USP31: variants seen among roughly 807,000 people sequenced by gnomAD.
The protein encoded by USP31 is ubiquitin specific peptidase 31.
A neutral mutation model predicts 119.4 loss-of-function variants in USP31; 44 were observed. The observed-to-expected ratio is 0.37, with a 90% CI of 0.29 to 0.47. The LOEUF is 0.47. Among genes scored for constraint, USP31 ranks in the 20% least tolerant of loss-of-function variants. The pLI, the probability that USP31 is intolerant of heterozygous loss-of-function variation, is 0.99. For missense variants in USP31, 1,643 were observed against 1,730.2 expected (o/e 0.95, Z 0.89); for synonymous variants, 749 against 705.6 (o/e 1.06, Z -0.97).
intron 1 of USP31, among the ~76,000 whole-genome samples, chr16:23,120,501 A>G (rs879909649): frequency 6.6e-6 from 1 of 152,234 alleles, no homozygotes; most frequent in Admixed American, 6.5e-5. Flanking sequence ...TCTGGATCTT[A>G]ACCACTGGGG....
intron 1 of USP31, among the ~76,000 whole-genome samples, chr16:23,133,092 G>A (rs1903078786): frequency 6.6e-6 from 1 of 152,206 alleles, no homozygotes; most frequent in Non-Finnish European, 1.5e-5. Context: ...AAGCTTGTGT[G>A]ATGATAGGAA....
At position 23,084,899 on chromosome 16, in the gene USP31, A is replaced by G. The variant is rs1416510046; in HGVS notation, c.1791T>C (p.Thr597=). ...TGTACAGTTGGAAACACTGGGATAAAGTGCAGGTTTGAGGCTGATGATGAC... is the reference window on the plus strand; with the variant it reads ...TGTACAGTTGGAAACACTGGGATAAGGTGCAGGTTTGAGGCTGATGATGAC... ...RERHHQPQTC[T]LSQCFQLYTK... Residue 597 remains threonine, a synonymous_variant, in exon 11 of 16, where the codon ACT becomes ACC. Transcript: ENST00000219689. 2 of 1,614,112 alleles carry G rather than the reference A, an allele frequency of 1.2e-6. No individual in the cohort carries two copies. Among genetic ancestry groups the G allele is most frequent in the Admixed American group, 1.7e-5 (1 of 60,010 alleles).
intron 1 of USP31, among the ~76,000 whole-genome samples, chr16:23,122,150 C>T (rs1027988653): frequency 6.6e-6 from 1 of 152,156 alleles, no homozygotes; most frequent in Non-Finnish European, 1.5e-5. Flanking sequence ...ATGTTTTCTA[C>T]AAAACTTTAG....
At chr16:23,080,427 ATCT>A (rs2141839387) in intron 12 of USP31, among the ~76,000 whole-genome samples, 1 of 152,250 alleles carries the variant, frequency 6.6e-6, no homozygotes, top group South Asian at 2.1e-4. Context: ...TCCTTTCCTT[ATCT>A]GTTAAAGGGC....
At chr16:23,107,731 T>C (rs901953054) in intron 2 of USP31, among the ~76,000 whole-genome samples, 1 of 152,236 alleles carries the variant, frequency 6.6e-6, no homozygotes, top group African/African-American at 2.4e-5. Flanking sequence ...CTTACTAGAA[T>C]AGAAAGCAAA....
intron 1 of USP31, among the ~76,000 whole-genome samples, chr16:23,113,776 G>A (rs554978029): frequency 6.6e-6 from 1 of 152,244 alleles, no homozygotes; most frequent in African/African-American, 2.4e-5. Context: ...CACAGGCTAA[G>A]GGAAGAGCTA....
chr16:23,083,073 G>A (rs531170170), intron 11 of USP31, among the ~76,000 whole-genome samples: 42 of 152,036 alleles, frequency 2.8e-4, no homozygotes, highest in Middle Eastern at 3.4e-3. Flanking sequence ...CAGGCGATCC[G>A]TCCACCTCAG....
intron 13 of USP31, among the ~76,000 whole-genome samples, chr16:23,078,334 A>T (rs1201960674): frequency 3.4e-5 from 5 of 148,334 alleles, no homozygotes; most frequent in African/African-American, 4.9e-5. Flanking sequence ...AAAAAAAAGT[A>T]TTTATAAAAA....
intron 1 of USP31, among the ~76,000 whole-genome samples, chr16:23,139,329 G>A (rs1319724447): frequency 6.6e-6 from 1 of 152,158 alleles, no homozygotes; most frequent in Non-Finnish European, 1.5e-5. Flanking sequence ...TTGAACCTAG[G>A]AGGCAGAGAT....
chr16:23,129,232 TGA>T (rs1220193875), intron 1 of USP31, among the ~76,000 whole-genome samples: 1 of 151,906 alleles, frequency 6.6e-6, no homozygotes, highest in South Asian at 2.1e-4. Flanking sequence ...ATAAAATAAA[TGA>T]GAGAGAGAGG....
Position 23,149,005 on chromosome 16 carries a change from C to A in USP31, c.266G>T (p.Gly89Val), listed in dbSNP as rs1903625905. ...SSEGAAPDRG[G>V]LRSCFPPGPA... ...CCCGGGCGGGAAGCAGCTGCGGAGG[C>A]CGCCGCGGTCTGGGGCGGCGCCCTC... Residue 89 changes from glycine (G) to valine (V), a missense_variant, in exon 1 of 16, where the codon GGC (glycine) becomes GTC (valine). Coordinates refer to ENST00000219689, the MANE Select transcript of USP31 (RefSeq NM_020718.4). 8.2e-6 allele frequency: 9 copies of A among 1,101,656 alleles called. No individual in the cohort carries two copies. Among genetic ancestry groups the A allele is most frequent in the South Asian group, 3.3e-5 (1 of 30,744 alleles). The allele number at this position is 1,101,656 out of a possible 1,614,324, so 68.2% of individuals were successfully genotyped here. A position where few individuals can be genotyped will look rare whatever the true frequency, so the allele number is the denominator to read the frequency against.
At chr16:23,147,436 C>A (rs1289455165) in intron 1 of USP31, among the ~76,000 whole-genome samples, 1 of 151,726 alleles carries the variant, frequency 6.6e-6, no homozygotes, top group East Asian at 2.0e-4. Flanking sequence ...ATACCATATT[C>A]ATGTCCCACC....
intron 14 of USP31, chr16:23,072,446 G>A (rs1201221563): frequency 3.3e-6 from 2 of 604,658 alleles, no homozygotes; most frequent in Non-Finnish European, 3.0e-6. Flanking sequence ...GGATAGGGAT[G>A]AATACTTTAT....
intron 1 of USP31, among the ~76,000 whole-genome samples, chr16:23,145,198 C>A (rs1330620583): frequency 1.3e-5 from 2 of 152,194 alleles, no homozygotes; most frequent in Admixed American, 1.3e-4. Context: ...TTCCTTGTTC[C>A]TTGATGCCTG....
chr16:23,142,936 G>A (rs1250334134), intron 1 of USP31, among the ~76,000 whole-genome samples: 9 of 152,090 alleles, frequency 5.9e-5, no homozygotes, highest in Admixed American at 5.2e-4. Flanking sequence ...ACACTAACAA[G>A]AAAAAAACTG....
chr16:23,127,159 G>T (rs1029680113), intron 1 of USP31, among the ~76,000 whole-genome samples: 4 of 152,168 alleles, frequency 2.6e-5, no homozygotes, highest in African/African-American at 9.7e-5. Flanking sequence ...CTAGTGTGGT[G>T]GCTCACTCCT....
intron 1 of USP31, among the ~76,000 whole-genome samples, chr16:23,111,664 CTA>C (rs895265949): frequency 5.1e-4 from 77 of 152,194 alleles, no homozygotes; most frequent in African/African-American, 1.4e-3. Flanking sequence ...CAGACATCAT[CTA>C]TGAGAGACTG....
At chr16:23,134,584 C>T (rs567647023) in intron 1 of USP31, among the ~76,000 whole-genome samples, 87 of 150,816 alleles carry the variant, frequency 5.8e-4, no homozygotes, top group Admixed American at 1.5e-3. Flanking sequence ...AAATACCAAA[C>T]CTTAAAGGAA....
At chr16:23,073,046 C>A (rs1235304516) in intron 14 of USP31, among the ~76,000 whole-genome samples, 1 of 152,134 alleles carries the variant, frequency 6.6e-6, no homozygotes, top group Non-Finnish European at 1.5e-5. Context: ...GTCACGCTCT[C>A]TTGAAGTCAA....
Sources: gnomAD v4.1 joint callset for allele counts (sites outside exome capture counted in the v4.1 genomes callset) on GRCh38, gnomAD v4.1.1 for gene constraint, MANE v1.5 for transcripts, NCBI Gene and HGNC (gene_info 2026-07-23, HGNC 2026-07-21) for gene names.